KATNAL2: variants seen among roughly 807,000 people sequenced by gnomAD.
KATNAL2 encodes katanin catalytic subunit A1 like 2.
In KATNAL2, 52 loss-of-function variants were observed where a neutral mutation model predicts 76.3. That is an observed-to-expected ratio of 0.68 (90% CI 0.55 to 0.86). The LOEUF (loss-of-function observed/expected upper bound fraction) is 0.86, where lower values mean the gene tolerates loss of function less well. Ranked by LOEUF, KATNAL2 falls within the 40% of genes least tolerant of loss-of-function variation. The probability of loss-of-function intolerance (pLI) is 0.00; values close to 1 mark genes in which losing one functional copy is unlikely to be tolerated. For synonymous variants in KATNAL2, 243 were observed against 244.2 expected (o/e 1.00, Z 0.05); for missense variants, 660 against 668.9 (o/e 0.99, Z 0.15).
intron 3 of KATNAL2, among the ~76,000 whole-genome samples, chr18:46,948,888 T>TTGTGTGTGTGTG (rs71264810): frequency 0.016 from 2,286 of 145,850 alleles, 35 homozygotes; most frequent in African/African-American, 0.05. Flanking sequence ...AGTATCTGCA[T>TTGTGTGTGTGTG]TGTGTGTGTG....
chr18:46,950,327 G>T (rs1255496259), intron 3 of KATNAL2, among the ~76,000 whole-genome samples: 1 of 152,160 alleles, frequency 6.6e-6, no homozygotes, highest in Non-Finnish European at 1.5e-5. Context: ...GAATTGTGCT[G>T]AGTAGGGGTC....
At chr18:46,931,136 T>TAATAATA (rs1179170299) in intron 1 of KATNAL2, among the ~76,000 whole-genome samples, 63 of 132,752 alleles carry the variant, frequency 4.7e-4, no homozygotes, top group African/African-American at 1.5e-3. Context: ...ATAATAATAA[T>TAATAATA]AATAAATAAA....
intron 1 of KATNAL2, among the ~76,000 whole-genome samples, chr18:46,940,033 C>T (rs184730837): frequency 1.4e-4 from 21 of 152,328 alleles, no homozygotes; most frequent in African/African-American, 4.3e-4. Context: ...CTCCTTGTCT[C>T]ATTTAATCCC....
intron 15 of KATNAL2, among the ~76,000 whole-genome samples, chr18:47,085,585 C>G (rs192199012): frequency 6.6e-6 from 1 of 152,056 alleles, no homozygotes; most frequent in African/African-American, 2.4e-5. Context: ...TGATGACCCA[C>G]GACTCCACGT....
rs34651069 is a variant in KATNAL2 at position 47,059,997 on chromosome 18, A to ATTTT, written c.549+355_549+358dup. Among the ~76,000 whole-genome samples the ATTTT allele has an allele frequency of 6.8e-5, 10 of 146,358 alleles. No individual in the cohort carries two copies. The East Asian group carries it at 1.0e-3, about 15-fold the overall frequency. On this transcript the variant is annotated intron_variant, in intron 8 of 17. Coordinates refer to ENST00000683218, the MANE Select transcript of KATNAL2 (RefSeq NM_001387690.1). ...ATGATCATCCTGCATCGTTCTCATC[A>ATTTT]TTTTTTTTTTTTTTTAAGAGACAGG... is the stretch of plus-strand genomic sequence containing the variant.
At chr18:47,077,641 C>A in intron 15 of KATNAL2, 180 bp downstream of exon 15, 1 of 532,808 alleles carries the variant, frequency 1.9e-6, no homozygotes, top group Non-Finnish European at 3.4e-6. Context: ...GAAAGATCTG[C>A]CTTAACAGAG....
At chr18:47,033,315 C>G in intron 3 of KATNAL2, 1 of 1,613,670 alleles carries the variant, frequency 6.2e-7, no homozygotes, top group South Asian at 1.1e-5. Flanking sequence ...TATCATAAGG[C>G]GTCTTGGCCA....
At chr18:47,040,145 G>A (rs1395643961) in intron 3 of KATNAL2, among the ~76,000 whole-genome samples, 1 of 152,232 alleles carries the variant, frequency 6.6e-6, no homozygotes, top group Non-Finnish European at 1.5e-5. Flanking sequence ...ACAGCAGGGT[G>A]ACTAACCTTT....
At chr18:47,069,444 T>A (rs1321818992) in intron 12 of KATNAL2, 38 bp from the exon 13 acceptor site, 1 of 1,524,000 alleles carries the variant, frequency 6.6e-7, no homozygotes, top group African/African-American at 1.4e-5. Context: ...GGGGATGGAG[T>A]TGAAATGCCT....
At chr18:47,045,334 T>C (rs865979984) in intron 3 of KATNAL2, among the ~76,000 whole-genome samples, 2 of 126,790 alleles carry the variant, frequency 1.6e-5, no homozygotes, top group African/African-American at 3.6e-5. Flanking sequence ...CTTTTCTTTT[T>C]TTTTTTTTTG....
At chr18:46,925,881 T>C (rs2058712279) in intron 1 of KATNAL2, among the ~76,000 whole-genome samples, 2 of 152,234 alleles carry the variant, frequency 1.3e-5, no homozygotes, top group Non-Finnish European at 2.9e-5. Flanking sequence ...TAGAGGTGTT[T>C]ATAGTATTCT....
At chr18:46,942,377 G>C (rs1326174307) in intron 1 of KATNAL2, among the ~76,000 whole-genome samples, 5 of 152,150 alleles carry the variant, frequency 3.3e-5, no homozygotes, top group Admixed American at 6.5e-5. Context: ...AACACTTTGG[G>C]AGGCCGAGGT....
intron 3 of KATNAL2, among the ~76,000 whole-genome samples, chr18:46,960,883 A>C (rs1002619083): frequency 2.0e-5 from 3 of 152,220 alleles, no homozygotes; most frequent in Admixed American, 6.5e-5. Flanking sequence ...CACCGGGTTA[A>C]AGAAGGAAGT....
At chr18:47,078,675 C>T (rs1392438837) in intron 15 of KATNAL2, among the ~76,000 whole-genome samples, 1 of 152,052 alleles carries the variant, frequency 6.6e-6, no homozygotes, top group African/African-American at 2.4e-5. Flanking sequence ...AAGGTCTGTG[C>T]CCTGGGGAGA....
chr18:46,957,749 A>T (rs1428803545), intron 3 of KATNAL2, among the ~76,000 whole-genome samples: 1 of 150,840 alleles, frequency 6.6e-6, no homozygotes, highest in Non-Finnish European at 1.5e-5. Flanking sequence ...TTTAGTAGAG[A>T]CAGGGTTTCT....
At chr18:47,067,373 A>C (rs1002632648) in intron 11 of KATNAL2, among the ~76,000 whole-genome samples, 7 of 152,234 alleles carry the variant, frequency 4.6e-5, no homozygotes, top group Non-Finnish European at 8.8e-5. Context: ...AGACCATAGT[A>C]TACATGATTT....
chr18:47,065,145 A>C (rs952296184), intron 10 of KATNAL2, among the ~76,000 whole-genome samples: 2 of 152,150 alleles, frequency 1.3e-5, no homozygotes, highest in Non-Finnish European at 2.9e-5. Flanking sequence ...AATATCATGC[A>C]TGACCAAAGT....
intron 15 of KATNAL2, among the ~76,000 whole-genome samples, chr18:47,084,847 T>TAAAAAAAA (rs34034453): frequency 0.066 from 1,682 of 25,544 alleles, 410 homozygotes; most frequent in Non-Finnish European, 0.082. Flanking sequence ...AGACTCTGTC[T>TAAAAAAAA]AAAAAAAAAA....
At chr18:46,922,690 G>C (rs2058605623) in intron 1 of KATNAL2, among the ~76,000 whole-genome samples, 1 of 151,682 alleles carries the variant, frequency 6.6e-6, no homozygotes, top group Non-Finnish European at 1.5e-5. Flanking sequence ...CTAGCAACTT[G>C]GGAGGCTGAA....
Sources: gnomAD v4.1 joint callset for allele counts (sites outside exome capture counted in the v4.1 genomes callset) on GRCh38, gnomAD v4.1.1 for gene constraint, MANE v1.5 for transcripts, NCBI Gene and HGNC (gene_info 2026-07-23, HGNC 2026-07-21) for gene names.